Variants in UBAP1L observed in about 807,000 individuals in gnomAD.
UBAP1L encodes ubiquitin-associated protein 1-like.
UBAP1L carries 32 observed loss-of-function variants against 32.1 expected under a neutral mutation model. That is an observed-to-expected ratio of 1.00 (90% CI 0.75 to 1.34). UBAP1L has a LOEUF of 1.34. Ranked by LOEUF, UBAP1L falls within the 40% of genes most tolerant of loss-of-function variation. The pLI, the probability that UBAP1L is intolerant of heterozygous loss-of-function variation, is 0.00. For synonymous variants in UBAP1L, 243 were observed against 250.2 expected (o/e 0.97, Z 0.27); for missense variants, 516 against 540.5 (o/e 0.95, Z 0.45).
In UBAP1L at chr15:65,102,032, G is replaced by T; in HGVS notation, c.699+74C>A. 1 of 636,034 alleles carries T rather than the reference G, an allele frequency of 1.6e-6. No homozygotes were observed. Among genetic ancestry groups the T allele is most frequent in the Non-Finnish European group, 2.2e-6 (1 of 454,286 alleles). 39.4% of individuals were successfully genotyped at this position (636,034 alleles called of 1,614,324 possible). ...GTGGAGTAGGGGACCGAGGCTGCGG[G>T]CTGGGCTGGACACCCAGATTATGGG... On this transcript the variant is annotated intron_variant, in intron 3 of 5. Transcript: ENST00000559089. This position sits in a 1 kb window ranked among gnomAD's most constrained non-coding sequence, Gnocchi z 5.0.
In UBAP1L at chr15:65,102,174, C is replaced by A; in HGVS notation, c.631G>T (p.Ala211Ser). ...GPAPQHPAAP[A>S]SPPRPSTAGA... Reference sequence around the variant, plus strand: ...GCCGTGGAGGGCCGCGGGGGCGACGCGGGGGCGGCGGGGTGCTGGGGCGCG... The same window carrying A: ...GCCGTGGAGGGCCGCGGGGGCGACGAGGGGGCGGCGGGGTGCTGGGGCGCG... The change falls in exon 3 of 6, where the codon GCG (alanine) becomes TCG (serine). Residue 211 changes from alanine (A) to serine (S), a missense_variant. Coordinates refer to ENST00000559089, the MANE Select transcript of UBAP1L (RefSeq NM_001163692.2). This position sits in a 1 kb window ranked among gnomAD's most constrained non-coding sequence, Gnocchi z 5.0. 1 of 1,180,280 alleles carries A rather than the reference C, an allele frequency of 8.5e-7. No individual in the cohort carries two copies. Among genetic ancestry groups the A allele is most frequent in the East Asian group, 3.7e-5 (1 of 27,108 alleles). The allele number at this position is 1,180,280 out of a possible 1,614,324, so 73.1% of individuals were successfully genotyped here. A position where few individuals can be genotyped will look rare whatever the true frequency, so the allele number is the denominator to read the frequency against.
In UBAP1L at chr15:65,102,112, C is replaced by T; in HGVS notation, c.693G>A (p.Thr231=). The T allele has an allele frequency of 8.4e-7, 1 of 1,195,464 alleles. No individual in the cohort carries two copies. Among genetic ancestry groups the T allele is most frequent in the Non-Finnish European group, 1.0e-6 (1 of 962,610 alleles). The allele number at this position is 1,195,464 out of a possible 1,614,324, so 74.1% of individuals were successfully genotyped here. A position where few individuals can be genotyped will look rare whatever the true frequency, so the allele number is the denominator to read the frequency against. Residue 231 remains threonine, a synonymous_variant, in exon 3 of 6, where the codon ACG becomes ACA. Coordinates refer to ENST00000559089, the MANE Select transcript of UBAP1L (RefSeq NM_001163692.2). This position sits in a 1 kb window ranked among gnomAD's most constrained non-coding sequence, Gnocchi z 5.0. ...GGGCGGGCAGAATCCTTACCGCGAC[C>T]GTAGGCTTGTGGCTCCGCAGCGGGG... ...AIPPLRSHKP[T]VASLSPYTCL... is the part of the protein sequence containing the mutation.
chr15:65,096,477 C>G (rs1595918639), intron 4 of UBAP1L: 1 of 152,300 alleles, frequency 6.6e-6, no homozygotes, highest in African/African-American at 2.4e-5. Flanking sequence ...GGGTCCACCC[C>G]AGATCCACTG....
Position 65,106,171 on chromosome 15 carries a change from A to G in UBAP1L, c.45T>C (p.Phe15=). ...DGVPFKLPKG[F]VIGTEPLPGP... Reference sequence around the variant, plus strand: ...CAGGGAGAGGCTCTGTGCCTATCACAAAGCCCTTGGGCAACTTGAAAGGAA... The same window carrying G: ...CAGGGAGAGGCTCTGTGCCTATCACGAAGCCCTTGGGCAACTTGAAAGGAA... Residue 15 remains phenylalanine, a synonymous_variant, in exon 2 of 6, where the codon TTT becomes TTC. Coordinates refer to ENST00000559089, the MANE Select transcript of UBAP1L (RefSeq NM_001163692.2). 2 of 1,549,866 alleles carry G rather than the reference A, an allele frequency of 1.3e-6. No homozygotes were observed. The highest frequency in any genetic ancestry group is 1.7e-6 in the Non-Finnish European group (2 of 1,146,518).
chr15:65,093,497 C>G (rs1277591559), intron 5 of UBAP1L, among the ~76,000 whole-genome samples: 1 of 152,228 alleles, frequency 6.6e-6, no homozygotes, highest in African/African-American at 2.4e-5. Context: ...TCCTCCCACT[C>G]ACTGTCAACT....
At chr15:65,108,067 G>A (rs1402898228) in intron 1 of UBAP1L, among the ~76,000 whole-genome samples, 1 of 152,064 alleles carries the variant, frequency 6.6e-6, no homozygotes, top group Non-Finnish European at 1.5e-5. Context: ...CAACACAGTG[G>A]AAGACTTTCA....
Position 65,102,811 on chromosome 15 carries a change from C to CCCCGGGCTTCCATCACAGCCCACTCTA in UBAP1L, c.121-154_121-128dup. 2 of 853,022 alleles carry CCCCGGGCTTCCATCACAGCCCACTCTA rather than the reference C, an allele frequency of 2.3e-6. No individual in the cohort carries two copies. Among genetic ancestry groups the CCCCGGGCTTCCATCACAGCCCACTCTA allele is most frequent in the Admixed American group, 6.5e-5 (2 of 30,794 alleles). The allele number at this position is 853,022 out of a possible 1,614,324, so 52.8% of individuals were successfully genotyped here. A position where few individuals can be genotyped will look rare whatever the true frequency, so the allele number is the denominator to read the frequency against. ...AGCCTGGACAGCGTCAGATTCTGAG[C>CCCCGGGCTTCCATCACAGCCCACTCTA]CCCGGGCTTCCATCACAGCCCACTC... is the stretch of plus-strand genomic sequence containing the variant. On this transcript the variant is annotated intron_variant, in intron 2 of 5. Coordinates refer to ENST00000559089, the MANE Select transcript of UBAP1L (RefSeq NM_001163692.2). This position sits in a 1 kb window ranked among gnomAD's most constrained non-coding sequence, Gnocchi z 5.0.
At chr15:65,109,306 AC>A (rs1390135972) in intron 1 of UBAP1L, among the ~76,000 whole-genome samples, 1 of 151,666 alleles carries the variant, frequency 6.6e-6, no homozygotes, top group African/African-American at 2.4e-5. Context: ...ACATGGTGAA[AC>A]CCCGTCTCTA....
Position 65,102,062 on chromosome 15 carries a change from G to A in UBAP1L, c.699+44C>T. On this transcript the variant is annotated intron_variant, in intron 3 of 5. Transcript: ENST00000559089. This position sits in a 1 kb window ranked among gnomAD's most constrained non-coding sequence, Gnocchi z 5.0. ...GCTGGACACCCAGATTATGGGGCCT[G>A]GGCTGCTGATTGGCGGCCTTGGAGG... 1 of 919,210 alleles carries A rather than the reference G, an allele frequency of 1.1e-6. No homozygotes were observed. The highest frequency in any genetic ancestry group is 1.4e-6 in the Non-Finnish European group (1 of 709,954). 56.9% of individuals were successfully genotyped at this position (919,210 alleles called of 1,614,324 possible). A position where few individuals can be genotyped will look rare whatever the true frequency, so the allele number is the denominator to read the frequency against.
At chr15:65,114,011 C>T (rs775343230) in intron 1 of UBAP1L, among the ~76,000 whole-genome samples, 1 of 151,944 alleles carries the variant, frequency 6.6e-6, no homozygotes, top group Non-Finnish European at 1.5e-5. Context: ...CTCAGCCTCC[C>T]GAGTAGCTGG....
chr15:65,094,624 G>T lies in UBAP1L; in HGVS notation c.910-48C>A. On this transcript the variant is annotated intron_variant, in intron 4 of 5. Transcript: ENST00000559089. The surrounding 1 kb of genome is among the most constrained non-coding windows in gnomAD (Gnocchi z 4.2). ...GGGAGGGAGGGTAAGAGGAGCAGCC[G>T]GGGCAGCAGACAGGGCAGAGAGGCA... The T allele has an allele frequency of 7.1e-7, 1 of 1,416,252 alleles. No homozygotes were observed. The highest frequency in any genetic ancestry group is 9.7e-7 in the Non-Finnish European group (1 of 1,026,574). 87.7% of individuals were successfully genotyped at this position (1,416,252 alleles called of 1,614,324 possible). A position where few individuals can be genotyped will look rare whatever the true frequency, so the allele number is the denominator to read the frequency against.
chr15:65,097,972 G>A (rs532657493), intron 4 of UBAP1L: 19 of 152,364 alleles, frequency 1.2e-4, no homozygotes, highest in African/African-American at 4.6e-4. Context: ...GGAGAAAAAT[G>A]AAAAGTGCCA....
At chr15:65,096,513 G>A (rs2087175526) in intron 4 of UBAP1L, 1 of 152,266 alleles carries the variant, frequency 6.6e-6, no homozygotes, top group African/African-American at 2.4e-5. Context: ...GATAAGCCCT[G>A]AGAGTCTGCA....
chr15:65,110,892 A>G (rs968104515), intron 1 of UBAP1L, among the ~76,000 whole-genome samples: 6 of 152,080 alleles, frequency 3.9e-5, no homozygotes, highest in African/African-American at 1.4e-4. Context: ...AGGATGACGC[A>G]AAGCTCTGCC....
Position 65,102,690 on chromosome 15 carries a change from G to C in UBAP1L, c.121-6C>G, listed in dbSNP as rs1396244615. The C allele has an allele frequency of 6.5e-7, 1 of 1,544,772 alleles. No individual in the cohort carries two copies. The highest frequency in any genetic ancestry group is 1.2e-5 in the South Asian group (1 of 84,030). On this transcript the variant is annotated splice_polypyrimidine_tract_variant and splice_region_variant and intron_variant, in intron 2 of 5. Transcript: ENST00000559089. This position sits in a 1 kb window ranked among gnomAD's most constrained non-coding sequence, Gnocchi z 5.0. ...CTCTCCAGGCTGAAGTCGTGCTGCG[G>C]AAAGAAGGCGACGTAAAGCCCAGGG...
In UBAP1L at chr15:65,112,719, G is replaced by A. The variant is rs1238238506; in HGVS notation, c.-174+2431C>T. ...ACTCATAAACACAACTGCCTACACA[G>A]TGTCTCAAGACTTCTCAAACTCAAC... On this transcript the variant is annotated intron_variant, in intron 1 of 5. Transcript: ENST00000559089. Among the ~76,000 whole-genome samples, 3 of 152,248 alleles carry A rather than the reference G, an allele frequency of 2.0e-5. No individual in the cohort carries two copies. The South Asian group carries it at 6.2e-4, about 32-fold the overall frequency.
chr15:65,107,138 A>C (rs2087322128), intron 1 of UBAP1L, among the ~76,000 whole-genome samples: 1 of 152,136 alleles, frequency 6.6e-6, no homozygotes, highest in South Asian at 2.1e-4. Context: ...AATATCAATA[A>C]AGATGAAAAA....
chr15:65,102,223 G>T lies in UBAP1L; in HGVS notation c.582C>A (p.Pro194=). 8.1e-7 allele frequency: 1 copy of T among 1,235,656 alleles called. No individual in the cohort carries two copies. Among genetic ancestry groups the T allele is most frequent in the Non-Finnish European group, 1.0e-6 (1 of 988,606 alleles). 76.5% of individuals were successfully genotyped at this position (1,235,656 alleles called of 1,614,324 possible). The change falls in exon 3 of 6, where the codon CCC becomes CCA. Residue 194 remains proline, a synonymous_variant. Coordinates refer to ENST00000559089, the MANE Select transcript of UBAP1L (RefSeq NM_001163692.2). This position sits in a 1 kb window ranked among gnomAD's most constrained non-coding sequence, Gnocchi z 5.0. ...LSLCPSPAQS[P]RSASPPGPAP... ...CGGGCCCCGGGGGTGATGCAGACCT[G>T]GGGGACTGCGCAGGGCTCGGGCACA...
At chr15:65,114,151 TG>T (rs2087387584) in intron 1 of UBAP1L, among the ~76,000 whole-genome samples, 1 of 151,880 alleles carries the variant, frequency 6.6e-6, no homozygotes, top group African/African-American at 2.4e-5. Flanking sequence ...CGCAAAGTGC[TG>T]GGATTACAGG....
Sources: allele counts gnomAD v4.1 joint callset (sites outside exome capture counted in the v4.1 genomes callset), GRCh38; gene constraint gnomAD v4.1.1; non-coding constraint Gnocchi (gnomAD v3.1); transcripts MANE v1.5; gene names NCBI Gene and HGNC (gene_info 2026-07-23, HGNC 2026-07-21).